TMEM50B: variants seen among roughly 807,000 people sequenced by gnomAD.
TMEM50B encodes the protein HCV p7-trans-regulated protein 3.
Under a neutral mutation model 23.4 loss-of-function variants are expected in TMEM50B, and 14 were observed. The ratio of observed to expected loss-of-function variants is 0.60; its 90% confidence interval spans 0.39 to 0.93. The LOEUF (loss-of-function observed/expected upper bound fraction) is 0.93, where lower values mean the gene tolerates loss of function less well. Ranked by LOEUF, TMEM50B falls within the 40% of genes least tolerant of loss-of-function variation. The pLI is 0.00. For synonymous variants in TMEM50B, 64 were observed against 62.3 expected, an observed-to-expected ratio of 1.03 and a Z score of -0.13; for missense variants, 159 against 193.0, an observed-to-expected ratio of 0.82 and a Z score of 1.04.
chr21:33,457,936 A>G (rs889464938), intron 5 of TMEM50B, among the ~76,000 whole-genome samples: 10 of 152,158 alleles, frequency 6.6e-5, no homozygotes, highest in African/African-American at 2.2e-4. Context: ...ATTTTAGTCA[A>G]TCACAAACGG....
At chr21:33,476,589 G>A (rs921839945) in intron 1 of TMEM50B, among the ~76,000 whole-genome samples, 5 of 151,058 alleles carry the variant, frequency 3.3e-5, no homozygotes, top group Non-Finnish European at 5.9e-5. Context: ...ATGAAACCCC[G>A]TCTCTACTAA....
At chr21:33,432,917 G>A in intron 8 of TMEM50B, 1 of 1,502,716 alleles carries the variant, frequency 6.7e-7, no homozygotes, top group Admixed American at 1.8e-5. Context: ...ACAGGGTCTT[G>A]CTCTGTTGCC....
At chr21:33,476,051 A>C (rs117910425) in intron 1 of TMEM50B, among the ~76,000 whole-genome samples, 2 of 152,218 alleles carry the variant, frequency 1.3e-5, no homozygotes, top group Non-Finnish European at 2.9e-5. Context: ...TAAATCCTCT[A>C]TTATTTAATA....
At chr21:33,435,071 G>A (rs375722877) in intron 8 of TMEM50B, among the ~76,000 whole-genome samples, 3 of 152,202 alleles carry the variant, frequency 2.0e-5, no homozygotes, top group Non-Finnish European at 4.4e-5. Context: ...CAGTCAGTCA[G>A]CTACAAGCTT....
chr21:33,463,218 G>A (rs1294303478), intron 4 of TMEM50B, among the ~76,000 whole-genome samples: 1 of 152,138 alleles, frequency 6.6e-6, no homozygotes, highest in African/African-American at 2.4e-5. Context: ...CTTGAGCCTG[G>A]GAGGCGGAGG....
chr21:33,448,159 A>C (rs551135225), downstream of TMEM50B, among the ~76,000 whole-genome samples: 4 of 151,832 alleles, frequency 2.6e-5, no homozygotes, highest in South Asian at 6.3e-4. Context: ...ACGCCTGGCT[A>C]ATTTGTTGTA....
chr21:33,460,607 GCATAT>G, intron 4 of TMEM50B, 102 bp from the exon 5 acceptor site: 1 of 511,622 alleles, frequency 2.0e-6, no homozygotes. Context: ...TATATATTAT[GCATAT>G]CAAAGATAGT....
downstream of TMEM50B, among the ~76,000 whole-genome samples, chr21:33,446,729 C>T (rs2084063144): frequency 6.9e-6 from 1 of 143,936 alleles, no homozygotes; most frequent in Non-Finnish European, 1.5e-5. Flanking sequence ...TGTTTTGGAG[C>T]CTAGTGTGGT....
chr21:33,439,470 T>G (rs1330187531), intron 7 of TMEM50B, among the ~76,000 whole-genome samples: 1 of 151,884 alleles, frequency 6.6e-6, no homozygotes, highest in Non-Finnish European at 1.5e-5. Context: ...ACCTCTGCCT[T>G]CCGGGTTCAA....
intron 1 of TMEM50B, among the ~76,000 whole-genome samples, chr21:33,470,901 A>AG (rs1191718066): frequency 1.3e-5 from 2 of 152,146 alleles, no homozygotes; most frequent in Non-Finnish European, 2.9e-5. Context: ...AAGAAAAAAA[A>AG]AGAAAGAAAA....
chr21:33,437,512 T>C (rs1387035381), intron 8 of TMEM50B: 2 of 153,062 alleles, frequency 1.3e-5, no homozygotes, highest in Non-Finnish European at 2.9e-5. Context: ...TGCATGTTTT[T>C]TAAAGTCTAT....
chr21:33,447,503 A>T (rs2084073639), downstream of TMEM50B, among the ~76,000 whole-genome samples: 1 of 152,130 alleles, frequency 6.6e-6, no homozygotes, highest in South Asian at 2.1e-4. Flanking sequence ...TTGTGACTGA[A>T]AACCCTTCCA....
At chr21:33,468,664 T>C in intron 2 of TMEM50B, 123 bp downstream of exon 2, 1 of 706,054 alleles carries the variant, frequency 1.4e-6, no homozygotes, top group Non-Finnish European at 2.4e-6. Context: ...CTGATAATCA[T>C]CTATACAAAA....
intron 1 of TMEM50B, among the ~76,000 whole-genome samples, chr21:33,475,496 A>T (rs1362909543): frequency 6.6e-6 from 1 of 151,834 alleles, no homozygotes; most frequent in Non-Finnish European, 1.5e-5. Flanking sequence ...ACAGGGGCCC[A>T]TCACCAGGCC....
rs915564552 is a variant in TMEM50B, at chr21:33,456,216, C to A, written c.374-432G>T. ...TGTGTTTGTTTTTAAAGAAATGGGG[C>A]CTCACTATATTGCCCAGACTGGAGT... On this transcript the variant is annotated intron_variant, in intron 5 of 6. Transcript: ENST00000542230. 1.9e-5 allele frequency: 8 copies of A among 427,446 alleles called. No individual in the cohort carries two copies. The East Asian group carries it at 5.6e-4, about 30-fold the overall frequency. The allele number at this position is 427,446 out of a possible 1,614,324, so 26.5% of individuals were successfully genotyped here. A position where few individuals can be genotyped will look rare whatever the true frequency, so the allele number is the denominator to read the frequency against.
At chr21:33,468,645 T>C (rs537294058) in intron 2 of TMEM50B, 142 bp downstream of exon 2, 7 of 635,098 alleles carry the variant, frequency 1.1e-5, no homozygotes, top group Non-Finnish European at 1.7e-5. Context: ...GGCAATAGTA[T>C]CTAGAACTCT....
At chr21:33,477,669 G>A (rs980570731) in intron 1 of TMEM50B, among the ~76,000 whole-genome samples, 2 of 151,602 alleles carry the variant, frequency 1.3e-5, no homozygotes, top group Admixed American at 6.6e-5. Context: ...AATTAGCTGG[G>A]CGTGGCGGCG....
intron 7 of TMEM50B, among the ~76,000 whole-genome samples, chr21:33,439,759 C>T (rs565825459): frequency 6.6e-6 from 1 of 151,840 alleles, no homozygotes; most frequent in Non-Finnish European, 1.5e-5. Flanking sequence ...AGTATTTACA[C>T]TGTCAAGGCC....
intron 5 of TMEM50B, among the ~76,000 whole-genome samples, chr21:33,456,833 AAAGT>A (rs1437272753): frequency 2.6e-5 from 4 of 152,266 alleles, no homozygotes; most frequent in African/African-American, 9.6e-5. Flanking sequence ...TCTAGCCTAT[AAAGT>A]AATATATAAA....
Sources: allele counts gnomAD v4.1 joint callset (sites outside exome capture counted in the v4.1 genomes callset), GRCh38; gene constraint gnomAD v4.1.1; transcripts MANE v1.5; gene names NCBI Gene and HGNC (gene_info 2026-07-23, HGNC 2026-07-21).